ATRNL1: variants seen among roughly 807,000 people sequenced by gnomAD.
The protein encoded by ATRNL1 is attractin like 1, also known as attractin-like protein 1.
A neutral mutation model predicts 182.7 loss-of-function variants in ATRNL1; 95 were observed. The ratio of observed to expected loss-of-function variants is 0.52; its 90% confidence interval spans 0.44 to 0.62. The LOEUF is 0.62. Among genes scored for constraint, ATRNL1 ranks in the 20% least tolerant of loss-of-function variants. The pLI, the probability that ATRNL1 is intolerant of heterozygous loss-of-function variation, is 0.00. For synonymous variants in ATRNL1, 576 were observed against 568.3 expected, an observed-to-expected ratio of 1.01 and a Z score of -0.19; for missense variants, 1,471 against 1,679.5, an observed-to-expected ratio of 0.88 and a Z score of 2.17.
chr10:115,420,446 TACATGGAAATTAA>T (rs1429387740), intron 20 of ATRNL1, among the ~76,000 whole-genome samples: 8 of 152,096 alleles, frequency 5.3e-5, no homozygotes, highest in Non-Finnish European at 1.2e-4. Context: ...ACTGTATACG[TACATGGAAATTAA>T]ACAAGTCAAT....
intron 9 of ATRNL1, among the ~76,000 whole-genome samples, chr10:115,232,685 T>TTG (rs141712079): frequency 0.014 from 2,140 of 150,136 alleles, 35 homozygotes; most frequent in African/African-American, 0.044. Context: ...ATAAGGACTT[T>TTG]TGTGTGTGTG....
At chr10:115,574,039 A>C (rs1252443253) in intron 26 of ATRNL1, among the ~76,000 whole-genome samples, 1 of 152,152 alleles carries the variant, frequency 6.6e-6, no homozygotes, top group African/African-American at 2.4e-5. Flanking sequence ...CTTAAAGCAG[A>C]AAATTCTTTG....
At chr10:115,395,478 C>G (rs914896301) in intron 20 of ATRNL1, among the ~76,000 whole-genome samples, 4 of 151,880 alleles carry the variant, frequency 2.6e-5, no homozygotes, top group Non-Finnish European at 4.4e-5. Context: ...GAAAAAGATG[C>G]ATTCTTAATC....
At chr10:115,576,953 A>T (rs1346358062) in intron 26 of ATRNL1, among the ~76,000 whole-genome samples, 1 of 151,116 alleles carries the variant, frequency 6.6e-6, no homozygotes. Context: ...TTTCATGTTG[A>T]CATTCAGTTT....
At chr10:115,918,769 C>A (rs1295370280) in intron 28 of ATRNL1, among the ~76,000 whole-genome samples, 1 of 152,084 alleles carries the variant, frequency 6.6e-6, no homozygotes, top group Non-Finnish European at 1.5e-5. Context: ...TTAGTGTAGT[C>A]TTTGATAATC....
chr10:115,100,862 A>C (rs1284288490), intron 1 of ATRNL1, among the ~76,000 whole-genome samples: 1 of 152,206 alleles, frequency 6.6e-6, no homozygotes, highest in African/African-American at 2.4e-5. Flanking sequence ...AGTTTCCTAC[A>C]TGGTATATCT....
intron 18 of ATRNL1, among the ~76,000 whole-genome samples, chr10:115,327,337 G>T (rs1263434587): frequency 4.0e-5 from 6 of 151,872 alleles, no homozygotes; most frequent in Non-Finnish European, 2.9e-5. Context: ...ATGAAAAAAT[G>T]CTCACCATCA....
chr10:115,537,397 T>C (rs1359710433), intron 25 of ATRNL1, among the ~76,000 whole-genome samples: 1 of 152,234 alleles, frequency 6.6e-6, no homozygotes, highest in Admixed American at 6.5e-5. Flanking sequence ...CAGTTTTCTG[T>C]AGCTCAGTTA....
intron 28 of ATRNL1, among the ~76,000 whole-genome samples, chr10:115,873,553 A>G (rs1160101998): frequency 2.0e-5 from 3 of 152,170 alleles, no homozygotes; most frequent in African/African-American, 7.2e-5. Flanking sequence ...CTTTTAACAT[A>G]TAGGTATATG....
intron 8 of ATRNL1, among the ~76,000 whole-genome samples, chr10:115,175,380 T>C (rs1847462762): frequency 6.6e-6 from 1 of 152,074 alleles, no homozygotes; most frequent in Non-Finnish European, 1.5e-5. Context: ...TGGTAGGTTT[T>C]TGTTTGATTT....
At chr10:115,724,663 A>G (rs1947539162) in intron 26 of ATRNL1, among the ~76,000 whole-genome samples, 1 of 152,152 alleles carries the variant, frequency 6.6e-6, no homozygotes, top group Non-Finnish European at 1.5e-5. Context: ...CCTCTAAGGT[A>G]TAGGCGTAGT....
At chr10:115,314,304 AT>A (rs1198438898) in intron 17 of ATRNL1, among the ~76,000 whole-genome samples, 2 of 152,258 alleles carry the variant, frequency 1.3e-5, no homozygotes, top group African/African-American at 2.4e-5. Context: ...TAATTGGTAA[AT>A]TTTTTAAATC....
At chr10:115,287,070 T>C (rs1361134573) in intron 15 of ATRNL1, among the ~76,000 whole-genome samples, 3 of 152,008 alleles carry the variant, frequency 2.0e-5, no homozygotes, top group African/African-American at 7.2e-5. Flanking sequence ...GAGATGACTA[T>C]GTTACCAATT....
intron 27 of ATRNL1, among the ~76,000 whole-genome samples, chr10:115,834,408 A>G (rs1477924037): frequency 6.6e-6 from 1 of 152,162 alleles, no homozygotes; most frequent in Admixed American, 6.5e-5. Flanking sequence ...AGTTTAGTAT[A>G]TATGTCTGAA....
chr10:115,353,787 G>A (rs1199899558), intron 19 of ATRNL1, among the ~76,000 whole-genome samples: 1 of 151,914 alleles, frequency 6.6e-6, no homozygotes, highest in Non-Finnish European at 1.5e-5. Context: ...AGCTAACAAC[G>A]TTAAATTGAT....
intron 5 of ATRNL1, among the ~76,000 whole-genome samples, chr10:115,131,800 A>G (rs782182380): frequency 1.3e-5 from 2 of 152,166 alleles, no homozygotes; most frequent in Admixed American, 1.3e-4. Flanking sequence ...TTGCTTGACT[A>G]CTTATTCTGT....
intron 24 of ATRNL1, among the ~76,000 whole-genome samples, chr10:115,484,170 A>T (rs1454593014): frequency 6.6e-6 from 1 of 151,406 alleles, no homozygotes; most frequent in Non-Finnish European, 1.5e-5. Flanking sequence ...ATATCTTTTA[A>T]AATTCTAAAT....
chr10:115,850,405 C>G (rs1422332451), intron 28 of ATRNL1, among the ~76,000 whole-genome samples: 1 of 152,142 alleles, frequency 6.6e-6, no homozygotes, highest in Non-Finnish European at 1.5e-5. Context: ...CAAATACTGA[C>G]ACCAATATAT....
At chr10:115,690,985 C>T (rs1555048003) in intron 26 of ATRNL1, among the ~76,000 whole-genome samples, 1 of 152,168 alleles carries the variant, frequency 6.6e-6, no homozygotes, top group African/African-American at 2.4e-5. Flanking sequence ...CCAACCTTCT[C>T]TGAGCTGGCT....
Sources: allele counts gnomAD v4.1 joint callset (sites outside exome capture counted in the v4.1 genomes callset), GRCh38; gene constraint gnomAD v4.1.1; transcripts MANE v1.5; gene names NCBI Gene and HGNC (gene_info 2026-07-23, HGNC 2026-07-21).